RBP2: variants seen among roughly 807,000 people sequenced by gnomAD.
RBP2 encodes retinol-binding protein 2.
RBP2 carries 17 observed loss-of-function variants against 17.0 expected under a neutral mutation model. That is an observed-to-expected ratio of 1.00 (90% CI 0.68 to 1.50). The LOEUF (loss-of-function observed/expected upper bound fraction) is 1.50, where lower values mean the gene tolerates loss of function less well. Ranked by LOEUF, RBP2 falls within the 40% of genes most tolerant of loss-of-function variation. The pLI is 0.00. For synonymous variants in RBP2, 48 were observed against 57.1 expected (o/e 0.84, Z 0.72); for missense variants, 158 against 168.2 (o/e 0.94, Z 0.33).
At chr3:139,470,672 G>A (rs1357621074) in intron 1 of RBP2, among the ~76,000 whole-genome samples, 7 of 151,474 alleles carry the variant, frequency 4.6e-5, no homozygotes, top group Admixed American at 3.9e-4. Flanking sequence ...TCAAATCCTT[G>A]GGCCCAAGTG....
chr3:139,472,914 C>A (rs1450989207), intron 1 of RBP2, among the ~76,000 whole-genome samples: 1 of 152,208 alleles, frequency 6.6e-6, no homozygotes, highest in Non-Finnish European at 1.5e-5. Flanking sequence ...TCCACAGCAC[C>A]TTCTAAAGCT....
chr3:139,464,046 A>G (rs1933281617), intron 1 of RBP2, among the ~76,000 whole-genome samples: 1 of 152,244 alleles, frequency 6.6e-6, no homozygotes, highest in Admixed American at 6.5e-5. Flanking sequence ...ACAGAGCAGC[A>G]GGTAGCTCAG....
intron 1 of RBP2, among the ~76,000 whole-genome samples, chr3:139,464,410 A>C (rs1466875416): frequency 3.3e-5 from 5 of 152,072 alleles, no homozygotes; most frequent in African/African-American, 1.2e-4. Context: ...GTAAGCCAAG[A>C]TTGTGCCATT....
intron 2 of RBP2, among the ~76,000 whole-genome samples, chr3:139,456,514 G>T (rs967506864): frequency 2.0e-5 from 3 of 152,158 alleles, no homozygotes; most frequent in Admixed American, 1.3e-4. Flanking sequence ...TCCCTGCTAT[G>T]CAGTCATTGA....
In RBP2 at chr3:139,462,249, G is replaced by T. The variant is rs756667815; in HGVS notation, c.115C>A (p.Gln39Lys). 12 of 1,614,002 alleles carry T rather than the reference G, an allele frequency of 7.4e-6. No individual in the cohort carries two copies. The Admixed American group carries it at 2.0e-4, about 27-fold the overall frequency. ...ATRKIAVRLT[Q>K]TKVIDQDGDN... ...CCATCTTGATCAATAACCTTCGTCTGAGTGAGACGTACTGCAATCTTGCGG... is the reference window on the plus strand; with the variant it reads ...CCATCTTGATCAATAACCTTCGTCTTAGTGAGACGTACTGCAATCTTGCGG... The change falls in exon 2 of 4, where the codon CAG becomes AAG. Residue 39 changes from glutamine (Q) to lysine (K), a missense_variant. Gln to Lys is a moderately conservative substitution (Grantham distance 53). Coordinates refer to ENST00000232217, the MANE Select transcript of RBP2 (RefSeq NM_004164.3).
chr3:139,462,331 C>T (rs1288651010), intron 1 of RBP2, 41 bp from the exon 2 acceptor site: 4 of 1,593,580 alleles, frequency 2.5e-6, no homozygotes, highest in Non-Finnish European at 3.4e-6. Flanking sequence ...ATGTGCTCAG[C>T]CAGACTCATT....
At position 139,462,141 on chromosome 3, in the gene RBP2, T is replaced by G; in HGVS notation, c.223A>C (p.Thr75Pro). ...FTVGVEFDEY[T>P]KSLDNRHVKA... ...ACATGCCGGTTATCCAGGCTCTTTG[T>G]GTACTCGTCAAACTCTACTCCAACA... The change falls in exon 2 of 4, where the codon ACA (threonine) becomes CCA (proline). Residue 75 changes from threonine (T) to proline (P), a missense_variant. Transcript: ENST00000232217. The G allele has an allele frequency of 6.2e-7, 1 of 1,614,142 alleles. No individual in the cohort carries two copies. Among genetic ancestry groups the G allele is most frequent in the Non-Finnish European group, 8.5e-7 (1 of 1,179,998 alleles).
chr3:139,474,290 T>G (rs1335760465), intron 1 of RBP2, among the ~76,000 whole-genome samples: 2 of 152,126 alleles, frequency 1.3e-5, no homozygotes, highest in Non-Finnish European at 2.9e-5. Flanking sequence ...GAGGCAGGAT[T>G]TCTTGGAGAG....
rs1407504865 is a variant in RBP2 at position 139,454,742 on chromosome 3, T to A, written c.341A>T (p.Asp114Val). The change falls in exon 3 of 4, where the codon GAC becomes GTC. Residue 114 changes from aspartate (D) to valine (V), a missense_variant. Asp to Val is a radical substitution (Grantham distance 152). Transcript: ENST00000232217. ...CCCAGTACTTACCAGGTACAGCTTG[T>A]CCCCCTCAATCCACTGCTTCCAGCC... ...NRGWKQWIEGDKLYLELTCGD... is the reference protein window; with the variant it reads ...NRGWKQWIEGVKLYLELTCGD... 1.2e-6 allele frequency: 2 copies of A among 1,613,978 alleles called. No homozygotes were observed. Among genetic ancestry groups the A allele is most frequent in the African/African-American group, 1.3e-5 (1 of 74,914 alleles).
chr3:139,476,201 C>T (rs999377061), intron 1 of RBP2, among the ~76,000 whole-genome samples, 186 bp downstream of exon 1: 3 of 152,030 alleles, frequency 2.0e-5, no homozygotes, highest in Non-Finnish European at 4.4e-5. Flanking sequence ...TATCATTATT[C>T]CCAGTTTCCA....
Position 139,469,506 on chromosome 3 carries a change from T to A in RBP2, c.73+6881A>T, listed in dbSNP as rs564018215. ...GGATGACACCTATCATTACCTAGGC[T>A]TTTTCCATCCCTCAGCATTTCCCCT... On this transcript the variant is annotated intron_variant, in intron 1 of 3. Coordinates refer to ENST00000232217, the MANE Select transcript of RBP2 (RefSeq NM_004164.3). 2.6e-5 allele frequency among the ~76,000 whole-genome samples: 4 copies of A among 152,216 alleles called. No individual in the cohort carries two copies. In the East Asian group the frequency reaches 7.7e-4, roughly 29 times the overall value.
intron 1 of RBP2, among the ~76,000 whole-genome samples, chr3:139,465,342 G>T (rs567026488): frequency 3.3e-5 from 5 of 152,288 alleles, no homozygotes; most frequent in Admixed American, 2.6e-4. Flanking sequence ...TAGGGATAGT[G>T]TCTAGGGATG....
chr3:139,461,825 T>A (rs997216574), intron 2 of RBP2, among the ~76,000 whole-genome samples: 1 of 152,174 alleles, frequency 6.6e-6, no homozygotes, highest in Admixed American at 6.5e-5. Context: ...CTCCCTGTGA[T>A]GTTCCACCTT....
chr3:139,467,342 T>C (rs1933400535), intron 1 of RBP2, among the ~76,000 whole-genome samples: 1 of 152,046 alleles, frequency 6.6e-6, no homozygotes. Context: ...TAAATAAAAA[T>C]AAAAGAAATG....
At chr3:139,461,146 G>A (rs753462632) in intron 2 of RBP2, among the ~76,000 whole-genome samples, 11 of 152,202 alleles carry the variant, frequency 7.2e-5, no homozygotes, top group Non-Finnish European at 1.5e-4. Context: ...ATGTGAGCAG[G>A]AGGGCTGGTT....
intron 1 of RBP2, among the ~76,000 whole-genome samples, chr3:139,475,324 TAAAA>T (rs397941333): frequency 9.8e-5 from 7 of 71,592 alleles, no homozygotes; most frequent in Non-Finnish European, 1.4e-4. Flanking sequence ...GTCCCCAAAA[TAAAA>T]AAAAAAAAAA....
intron 1 of RBP2, among the ~76,000 whole-genome samples, chr3:139,473,757 T>C (rs1423432067): frequency 1.3e-5 from 2 of 152,194 alleles, no homozygotes; most frequent in African/African-American, 2.4e-5. Flanking sequence ...CTGTCTTCAA[T>C]CACTGCCATG....
intron 3 of RBP2, 95 bp downstream of exon 3, chr3:139,454,634 G>A: frequency 8.6e-7 from 1 of 1,167,908 alleles, no homozygotes; most frequent in Non-Finnish European, 1.3e-6. Context: ...GGGTAGGAGT[G>A]CAGGGCCATT....
intron 1 of RBP2, among the ~76,000 whole-genome samples, chr3:139,471,627 A>G (rs921730126): frequency 4.6e-5 from 7 of 152,212 alleles, no homozygotes; most frequent in African/African-American, 1.7e-4. Flanking sequence ...AAAGAGGTAT[A>G]AATTTAACAT....
Sources: allele counts gnomAD v4.1 joint callset (sites outside exome capture counted in the v4.1 genomes callset), GRCh38; gene constraint gnomAD v4.1.1; transcripts MANE v1.5; gene names NCBI Gene and HGNC (gene_info 2026-07-23, HGNC 2026-07-21).